The following MYT1 variants were observed in gnomAD, a reference collection of about 807,000 sequenced individuals.
MYT1 encodes myelin transcription factor I.
In MYT1, 23 loss-of-function variants were observed where a neutral mutation model predicts 123.0. The ratio of observed to expected loss-of-function variants is 0.19; its 90% CI spans 0.13 to 0.26. The LOEUF is 0.26. Ranked by LOEUF, MYT1 falls within the 10% of genes least tolerant of loss-of-function variation. MYT1 has a pLI of 1.00. For synonymous variants in MYT1, 518 were observed against 575.3 expected (o/e 0.90, Z 1.43); for missense variants, 1,125 against 1,472.5 (o/e 0.76, Z 3.86).
In MYT1 at chr20:64,167,444, A is replaced by G. The variant is rs997528743; in HGVS notation, c.-99+2705A>G. ...TTGGTCAGCACCGGGCCTGGAGTAG[A>G]TGAGGAGGTAGAGAACTGACCCAGC... On this transcript the variant is annotated intron_variant, in intron 1 of 22. Transcript: ENST00000328439. The surrounding 1 kb of genome is among the most constrained non-coding windows in gnomAD (Gnocchi z 6.3). 2.0e-5 allele frequency among the ~76,000 whole-genome samples: 3 copies of G among 152,084 alleles called. No homozygotes were observed. The highest frequency in any genetic ancestry group is 4.4e-5 in the Non-Finnish European group (3 of 68,008).
intron 5 of MYT1, 99 bp downstream of exon 5, chr20:64,205,196 C>A: frequency 7.1e-7 from 1 of 1,415,530 alleles, no homozygotes; most frequent in Non-Finnish European, 9.9e-7. Flanking sequence ...TTCCATGGCT[C>A]CCAAGGCCAG....
intron 1 of MYT1, among the ~76,000 whole-genome samples, chr20:64,184,440 T>C (rs896926619): frequency 2.6e-5 from 4 of 152,136 alleles, no homozygotes; most frequent in Non-Finnish European, 5.9e-5. Flanking sequence ...TGATCATTAA[T>C]AGAGGGGGTT....
rs372470070 is a variant in MYT1, at chr20:64,198,965, C to T, written c.55+49C>T. 1.0e-5 allele frequency: 16 copies of T among 1,598,996 alleles called. No homozygotes were observed. The East Asian group carries it at 1.1e-4, about 11-fold the overall frequency. ...CAGGGCTGTAAATGCCACTTTCCTC[C>T]GCGGTCTTCCTCAGGAGCACAAACC... On this transcript the variant is annotated intron_variant, in intron 3 of 22. Transcript: ENST00000328439.
rs1366992417 is a variant in MYT1, at chr20:64,198,872, A to G, written c.11A>G (p.Glu4Gly). The G allele has an allele frequency of 1.9e-6, 3 of 1,614,076 alleles. No homozygotes were observed. In the Admixed American group the frequency reaches 5.0e-5, roughly 27 times the overall value. Reference protein sequence around the residue: MSLENEDKRARTRS... With the variant: MSLGNEDKRARTRS... ...GTTTTTTGCTTGCAGATGAGCTTAG[A>G]AAATGAAGACAAGCGAGCTCGCACC... The change falls in exon 3 of 23, where the codon GAA (glutamate) becomes GGA (glycine). Residue 4 changes from glutamate (E) to glycine (G), a missense_variant. Glu to Gly is a moderately conservative substitution (Grantham distance 98). This residue lies in a region of MYT1 where 406 missense variants were observed against 432.2 expected (regional missense o/e 0.94). Transcript: ENST00000328439.
intron 14 of MYT1, among the ~76,000 whole-genome samples, chr20:64,222,600 C>T (rs960677253): frequency 5.3e-5 from 8 of 152,210 alleles, no homozygotes; most frequent in Admixed American, 2.6e-4. Flanking sequence ...GCCTTCATTG[C>T]CAGCCACCTG....
chr20:64,192,917 G>A lies in MYT1; in HGVS notation c.-1+2757G>A, dbSNP rs1359597629. 2.6e-5 allele frequency among the ~76,000 whole-genome samples: 4 copies of A among 152,272 alleles called. No individual in the cohort carries two copies. The highest frequency in any genetic ancestry group is 2.1e-4 in the South Asian group (1 of 4,818). On this transcript the variant is annotated intron_variant, in intron 2 of 22. Coordinates refer to ENST00000328439, the MANE Select transcript of MYT1 (RefSeq NM_004535.3). This position sits in a 1 kb window ranked among gnomAD's most constrained non-coding sequence, Gnocchi z 5.3. ...ATTTATGCTGGAGTTTTTAACAGAC[G>A]GTTGCAGATATGGCTGCTTCATCAG...
intron 19 of MYT1, among the ~76,000 whole-genome samples, chr20:64,235,157 T>TGGGCTGGCCGTGGTATGTGACCCG (rs1379247949): frequency 8.5e-6 from 1 of 117,874 alleles, no homozygotes. Flanking sequence ...TGAGTGACCC[T>TGGGCTGGCCGTGGTATGTGACCCG]GGGCTGGCCG....
intron 4 of MYT1, among the ~76,000 whole-genome samples, chr20:64,201,423 T>C (rs1187275536): frequency 6.6e-6 from 1 of 152,108 alleles, no homozygotes; most frequent in East Asian, 1.9e-4. Context: ...TGTGTTGACA[T>C]CTAGTGTTCC....
Position 64,213,590 on chromosome 20 carries a change from A to T in MYT1, c.1574A>T (p.Gln525Leu). Residue 525 changes from glutamine (Q) to leucine (L), a missense_variant, in exon 10 of 23, where the codon CAG (glutamine) becomes CTG (leucine). Gln to Leu is a moderately radical substitution (Grantham distance 113, BLOSUM62 -2). Around this residue, in one of 4 missense-constraint regions of MYT1, gnomAD observed 429 missense variants for 604.1 expected, o/e 0.71. Transcript: ENST00000328439. The surrounding 1 kb of genome is among the most constrained non-coding windows in gnomAD (Gnocchi z 5.6). ...AEKLAKSHEKQQPQTGDPSKS... is the reference protein window; with the variant it reads ...AEKLAKSHEKLQPQTGDPSKS... The stretch of plus-strand genomic sequence containing the variant: ...AAATTAGCCAAATCCCATGAGAAGC[A>T]GCAGCCGCAGACAGGAGATCCTTCC... The T allele has an allele frequency of 6.2e-7, 1 of 1,614,194 alleles. No homozygotes were observed.
At chr20:64,169,324 G>T (rs1982174467) in intron 1 of MYT1, among the ~76,000 whole-genome samples, 1 of 152,350 alleles carries the variant, frequency 6.6e-6, no homozygotes, top group South Asian at 2.1e-4. Context: ...CCACAGACCC[G>T]AGGCGCGTCC....
intron 22 of MYT1, 97 bp downstream of exon 22, chr20:64,240,000 G>A (rs753339514): frequency 3.3e-6 from 5 of 1,529,396 alleles, no homozygotes; most frequent in Non-Finnish European, 4.4e-6. Context: ...CTGCCTCTGG[G>A]TCCTGCCCTA....
chr20:64,210,156 G>A (rs181164651), intron 7 of MYT1, among the ~76,000 whole-genome samples: 1 of 152,340 alleles, frequency 6.6e-6, no homozygotes, highest in African/African-American at 2.4e-5. Flanking sequence ...TCTCAGACCT[G>A]TGGGACAGAC....
At position 64,192,453 on chromosome 20, in the gene MYT1, G is replaced by A. The variant is rs1231029157; in HGVS notation, c.-1+2293G>A. ...TGTCACACAGCCACAGCAGCATCGG[G>A]GTCAGCCTTCCAGAGGCTGGCTTCG... is the stretch of plus-strand genomic sequence containing the variant. On this transcript the variant is annotated intron_variant, in intron 2 of 22. Transcript: ENST00000328439. This position sits in a 1 kb window ranked among gnomAD's most constrained non-coding sequence, Gnocchi z 5.3. Among the ~76,000 whole-genome samples the A allele has an allele frequency of 6.6e-6, 1 of 152,184 alleles. No individual in the cohort carries two copies. The highest frequency in any genetic ancestry group is 2.4e-5 in the African/African-American group (1 of 41,440).
rs758257908 is a variant in MYT1, at chr20:64,209,012, G to A, written c.1291+525G>A. Among the ~76,000 whole-genome samples the A allele has an allele frequency of 1.4e-4, 21 of 152,322 alleles. 1 individual carries two copies. Among genetic ancestry groups the A allele is most frequent in the Middle Eastern group, 3.4e-3 (1 of 294 alleles). On this transcript the variant is annotated intron_variant, in intron 7 of 22. Transcript: ENST00000328439. The stretch of plus-strand genomic sequence containing the variant: ...GTCTCTGGATTTGGCTCTAAAGTGT[G>A]CAGGGTACAGGGGAGCCATCCCCTG...
At chr20:64,235,822 A>ACTGGGCTGGCTGTGGTGGGTGACC (rs1984513471) in intron 19 of MYT1, among the ~76,000 whole-genome samples, 4 of 19,090 alleles carry the variant, frequency 2.1e-4, no homozygotes, top group Non-Finnish European at 1.9e-4. Flanking sequence ...GGTGGGTGAC[A>ACTGGGCTGGCTGTGGTGGGTGACC]CTGGGCTGGC....
chr20:64,169,820 G>T (rs1159023161), intron 1 of MYT1, among the ~76,000 whole-genome samples: 1 of 152,194 alleles, frequency 6.6e-6, no homozygotes, highest in Non-Finnish European at 1.5e-5. Flanking sequence ...TATTTTAATC[G>T]TTGAGACCGT....
intron 22 of MYT1, 67 bp downstream of exon 22, chr20:64,239,970 C>T: frequency 6.3e-7 from 1 of 1,578,544 alleles, no homozygotes; most frequent in Non-Finnish European, 8.6e-7. Flanking sequence ...AGCAGGAGGG[C>T]AGGGCATCTC....
intron 1 of MYT1, among the ~76,000 whole-genome samples, chr20:64,169,264 C>T (rs541759603): frequency 4.1e-4 from 62 of 152,254 alleles, no homozygotes; most frequent in Admixed American, 7.8e-4. Context: ...ACTCTCGGAC[C>T]GCAAACTGAC....
At chr20:64,201,024 G>A (rs1242867522) in intron 4 of MYT1, among the ~76,000 whole-genome samples, 1 of 152,222 alleles carries the variant, frequency 6.6e-6, no homozygotes, top group East Asian at 1.9e-4. Context: ...AGGACCCCGA[G>A]TAAAGGGAAG....
Sources: gnomAD v4.1 joint callset for allele counts (sites outside exome capture counted in the v4.1 genomes callset) on GRCh38, gnomAD v4.1.1 for gene constraint, gnomAD v4.1.1 regional missense constraint, Gnocchi (gnomAD v3.1) non-coding constraint, MANE v1.5 for transcripts, NCBI Gene and HGNC (gene_info 2026-07-23, HGNC 2026-07-21) for gene names.